Variants in SIPA1L3 observed in about 807,000 individuals in gnomAD.
SIPA1L3 encodes the protein signal induced proliferation associated 1 like 3.
In SIPA1L3, 59 loss-of-function variants were observed where a neutral mutation model predicts 150.1. The ratio of observed to expected loss-of-function variants is 0.39; its 90% CI spans 0.32 to 0.49. The LOEUF is 0.49. Among genes scored for constraint, SIPA1L3 ranks in the 20% least tolerant of loss-of-function variants. The pLI is 0.86. For missense variants in SIPA1L3, 2,211 were observed against 2,489.5 expected, an observed-to-expected ratio of 0.89 and a Z score of 2.38; for synonymous variants, 1,070 against 1,077.6, an observed-to-expected ratio of 0.99 and a Z score of 0.14.
chr19:38,045,097 G>T (rs946876519), intron 2 of SIPA1L3, among the ~76,000 whole-genome samples: 1 of 152,136 alleles, frequency 6.6e-6, no homozygotes, highest in Non-Finnish European at 1.5e-5. Context: ...AAATAATCAG[G>T]CTGGGCGCAG....
intron 1 of SIPA1L3, among the ~76,000 whole-genome samples, chr19:37,968,519 A>G (rs1568483184): frequency 1.3e-5 from 2 of 152,130 alleles, no homozygotes; most frequent in African/African-American, 2.4e-5. Flanking sequence ...GTGGTTTCCC[A>G]TTTCTAGCAT....
chr19:37,923,955 A>G (rs1354638834), intron 1 of SIPA1L3, among the ~76,000 whole-genome samples: 24 of 151,952 alleles, frequency 1.6e-4, no homozygotes, highest in Non-Finnish European at 1.5e-5. Flanking sequence ...TTGTATTTTT[A>G]GTAGAGACAG....
At chr19:38,159,862 T>G (rs1480240253) in intron 13 of SIPA1L3, among the ~76,000 whole-genome samples, 1 of 152,188 alleles carries the variant, frequency 6.6e-6, no homozygotes, top group African/African-American at 2.4e-5. Context: ...ATGTTAATGA[T>G]CTTGAATACC....
intron 2 of SIPA1L3, among the ~76,000 whole-genome samples, chr19:38,051,783 G>A (rs1214615830): frequency 6.6e-6 from 1 of 152,118 alleles, no homozygotes; most frequent in African/African-American, 2.4e-5. Context: ...TTTTTGTAGA[G>A]ACAGGGTCTT....
At chr19:37,968,361 C>T (rs887373165) in intron 1 of SIPA1L3, among the ~76,000 whole-genome samples, 7 of 152,118 alleles carry the variant, frequency 4.6e-5, no homozygotes, top group South Asian at 2.1e-4. Flanking sequence ...CATGAGCCAC[C>T]GCGCCCGGCC....
In SIPA1L3 at chr19:38,182,631, G is replaced by A. The variant is rs139858184; in HGVS notation, c.4321G>A (p.Val1441Ile). The change falls in exon 16 of 22, where the codon GTC (valine) becomes ATC (isoleucine). Residue 1441 changes from valine to isoleucine, a missense_variant. By Grantham distance (29) the Val-to-Ile change is conservative. Around this residue, in one of 5 missense-constraint regions of SIPA1L3, gnomAD observed 806 missense variants for 870.1 expected, o/e 0.93. Transcript: ENST00000222345. ...QPSPFQLSAS[V>I]PKSFFSKQPV... ...CAGCCCCTTTCAGCTCTCCGCCTCC[G>A]TCCCCAAGTCCTTCTTCTCCAAGCA... 8.1e-5 allele frequency: 130 copies of A among 1,614,044 alleles called. No homozygotes were observed. The African/African-American group carries it at 8.7e-4, about 11-fold the overall frequency.
intron 1 of SIPA1L3, among the ~76,000 whole-genome samples, chr19:37,971,024 A>G (rs889371030): frequency 1.3e-5 from 2 of 151,752 alleles, no homozygotes; most frequent in Non-Finnish European, 2.9e-5. Flanking sequence ...AGGAGAGGTT[A>G]TACCTCCTCT....
At chr19:38,150,529 CTTTTTTT>C (rs201046693) in intron 12 of SIPA1L3, among the ~76,000 whole-genome samples, 26,023 of 120,264 alleles carry the variant, frequency 0.22, 2,754 homozygotes, top group African/African-American at 0.34. Flanking sequence ...AATATCAACA[CTTTTTTT>C]TTTTTTTTTT....
rs755463595 is a variant in SIPA1L3, at chr19:38,130,713, C to T, written c.3084C>T (p.Arg1028=). The T allele has an allele frequency of 1.9e-6, 3 of 1,613,982 alleles. No individual in the cohort carries two copies. The highest frequency in any genetic ancestry group is 2.2e-5 in the South Asian group (2 of 91,078). ...ACGACCAGATGATCGACCTGCTGCG[C>T]ACCTCTGTCACTGTGAAGGTGGTCA... The part of the protein sequence containing the change: ...LTHDQMIDLL[R]TSVTVKVVII... The change falls in exon 10 of 22, where the codon CGC becomes CGT. Residue 1028 remains arginine, a synonymous_variant. Coordinates refer to ENST00000222345, the MANE Select transcript of SIPA1L3 (RefSeq NM_015073.3).
chr19:37,921,199 T>C (rs567855820), intron 1 of SIPA1L3, among the ~76,000 whole-genome samples: 1 of 152,338 alleles, frequency 6.6e-6, no homozygotes, highest in African/African-American at 2.4e-5. Flanking sequence ...GTATTTCTAA[T>C]CAAGCTAGCA....
At chr19:37,993,255 A>G (rs1032224943) in intron 1 of SIPA1L3, among the ~76,000 whole-genome samples, 4 of 152,108 alleles carry the variant, frequency 2.6e-5, no homozygotes, top group Non-Finnish European at 5.9e-5. Context: ...TCACGAGATG[A>G]TCTATATGAA....
At chr19:37,935,859 T>C (rs1255520685) in intron 1 of SIPA1L3, among the ~76,000 whole-genome samples, 2 of 152,186 alleles carry the variant, frequency 1.3e-5, no homozygotes, top group Non-Finnish European at 2.9e-5. Flanking sequence ...AGATTCAGTA[T>C]GGGAGGGATA....
intron 1 of SIPA1L3, among the ~76,000 whole-genome samples, chr19:37,944,074 C>T (rs899137727): frequency 1.3e-5 from 2 of 152,008 alleles, no homozygotes; most frequent in Middle Eastern, 3.4e-3. Flanking sequence ...GTCAGGAGTT[C>T]GAGACCAGCC....
At chr19:38,031,278 A>G (rs1968648551) in intron 2 of SIPA1L3, among the ~76,000 whole-genome samples, 1 of 152,242 alleles carries the variant, frequency 6.6e-6, no homozygotes, top group Non-Finnish European at 1.5e-5. Flanking sequence ...ACAACCCAGT[A>G]CGATTAACTC....
chr19:38,044,395 C>T (rs1472354351), intron 2 of SIPA1L3, among the ~76,000 whole-genome samples: 2 of 152,044 alleles, frequency 1.3e-5, no homozygotes, highest in Non-Finnish European at 2.9e-5. Flanking sequence ...TGGGGAAGAG[C>T]GAAGCTGTGC....
intron 1 of SIPA1L3, among the ~76,000 whole-genome samples, chr19:38,010,167 G>A (rs993985584): frequency 5.9e-5 from 9 of 152,166 alleles, no homozygotes; most frequent in Non-Finnish European, 8.8e-5. Flanking sequence ...TGAGGAAGCC[G>A]AGGCAGGAGG....
intron 2 of SIPA1L3, among the ~76,000 whole-genome samples, chr19:38,055,641 A>G (rs900607980): frequency 6.6e-6 from 1 of 152,194 alleles, no homozygotes; most frequent in African/African-American, 2.4e-5. Flanking sequence ...TCAGAAGAGG[A>G]TGGGTTTGGA....
intron 4 of SIPA1L3, among the ~76,000 whole-genome samples, chr19:38,092,116 C>T (rs1174855093): frequency 6.6e-6 from 1 of 150,618 alleles, no homozygotes; most frequent in Non-Finnish European, 1.5e-5. Context: ...GTGGCTCACA[C>T]TTGTAATCCC....
intron 5 of SIPA1L3, 110 bp from the exon 6 acceptor site, chr19:38,100,942 G>T: frequency 1.6e-6 from 2 of 1,278,822 alleles, no homozygotes; most frequent in Admixed American, 3.4e-5. Flanking sequence ...CTGGGTTCCC[G>T]AGTGGTCCCA....
Sources: allele counts gnomAD v4.1 joint callset (sites outside exome capture counted in the v4.1 genomes callset), GRCh38; gene constraint gnomAD v4.1.1; regional missense constraint gnomAD v4.1.1; transcripts MANE v1.5; gene names NCBI Gene and HGNC (gene_info 2026-07-23, HGNC 2026-07-21).